The following SLC25A21 variants were observed in gnomAD, a reference collection of about 807,000 sequenced individuals.
The protein encoded by SLC25A21 is mitochondrial 2-oxodicarboxylate carrier.
SLC25A21 carries 47 observed loss-of-function variants against 43.8 expected under a neutral mutation model. That is an observed-to-expected ratio of 1.07 (90% confidence interval 0.85 to 1.37). The LOEUF is 1.37. Ranked by LOEUF, SLC25A21 falls within the 40% of genes most tolerant of loss-of-function variation. The pLI, the probability that SLC25A21 is intolerant of heterozygous loss-of-function variation, is 0.00. For missense variants in SLC25A21, 352 were observed against 350.2 expected (o/e 1.00, Z -0.04); for synonymous variants, 131 against 121.3 (o/e 1.08, Z -0.52).
intron 3 of SLC25A21, among the ~76,000 whole-genome samples, chr14:36,747,154 T>A (rs1885532880): frequency 6.6e-6 from 1 of 152,198 alleles, no homozygotes; most frequent in South Asian, 2.1e-4. Flanking sequence ...GTCACATGAT[T>A]ACCATATTTA....
At chr14:37,155,550 T>C (rs922785411) in intron 1 of SLC25A21, among the ~76,000 whole-genome samples, 3 of 152,124 alleles carry the variant, frequency 2.0e-5, no homozygotes, top group Non-Finnish European at 4.4e-5. Flanking sequence ...GAAAATCATC[T>C]AGTCACCTAT....
chr14:36,883,155 C>T (rs1890792305), intron 1 of SLC25A21, among the ~76,000 whole-genome samples: 1 of 152,096 alleles, frequency 6.6e-6, no homozygotes, highest in Non-Finnish European at 1.5e-5. Context: ...AACAATGGCT[C>T]CCCATTATAT....
intron 1 of SLC25A21, among the ~76,000 whole-genome samples, chr14:37,001,781 T>C (rs1960495530): frequency 6.6e-6 from 1 of 152,158 alleles, no homozygotes; most frequent in East Asian, 1.9e-4. Context: ...TATCTATTTG[T>C]TTTCTATTTT....
chr14:36,788,933 C>G (rs1294806299), intron 3 of SLC25A21: 1 of 152,062 alleles, frequency 6.6e-6, no homozygotes, highest in Non-Finnish European at 1.5e-5. Context: ...TTACAAATTC[C>G]TGGTGAAAAC....
chr14:36,922,430 C>T (rs1892006798), intron 1 of SLC25A21, among the ~76,000 whole-genome samples: 1 of 151,886 alleles, frequency 6.6e-6, no homozygotes, highest in African/African-American at 2.4e-5. Flanking sequence ...TGAATTGAGA[C>T]AAAGATTAGA....
At chr14:36,869,648 G>T (rs1257639813) in intron 2 of SLC25A21, among the ~76,000 whole-genome samples, 1 of 152,150 alleles carries the variant, frequency 6.6e-6, no homozygotes, top group South Asian at 2.1e-4. Flanking sequence ...ACTCTTTGGA[G>T]ACTATAAGAA....
At chr14:37,171,685 T>C (rs997154617) in intron 1 of SLC25A21, among the ~76,000 whole-genome samples, 3 of 152,202 alleles carry the variant, frequency 2.0e-5, no homozygotes, top group Non-Finnish European at 4.4e-5. Context: ...TAAAGGTTTA[T>C]TTTTTCCCCA....
intron 1 of SLC25A21, among the ~76,000 whole-genome samples, chr14:36,931,421 G>C (rs1892286920): frequency 6.6e-6 from 1 of 152,112 alleles, no homozygotes; most frequent in Non-Finnish European, 1.5e-5. Flanking sequence ...AAGGTGTCGA[G>C]GTGAGAGAGA....
At chr14:37,096,316 T>C (rs1256565801) in intron 1 of SLC25A21, among the ~76,000 whole-genome samples, 1 of 152,178 alleles carries the variant, frequency 6.6e-6, no homozygotes, top group Non-Finnish European at 1.5e-5. Flanking sequence ...ATCTTTGAGA[T>C]TTTGATTATT....
At chr14:36,716,924 T>C (rs1452260995) in intron 6 of SLC25A21, among the ~76,000 whole-genome samples, 2 of 152,120 alleles carry the variant, frequency 1.3e-5, no homozygotes, top group African/African-American at 2.4e-5. Flanking sequence ...TGCATTCCTA[T>C]GGAAAGGTGA....
chr14:36,728,079 C>T (rs1251796107), intron 5 of SLC25A21, among the ~76,000 whole-genome samples: 6 of 152,180 alleles, frequency 3.9e-5, no homozygotes, highest in African/African-American at 7.2e-5. Flanking sequence ...GATCATGTTA[C>T]GTAGGTTGTT....
intron 1 of SLC25A21, among the ~76,000 whole-genome samples, chr14:37,061,051 C>A (rs1347353458): frequency 6.6e-6 from 1 of 152,140 alleles, no homozygotes; most frequent in African/African-American, 2.4e-5. Context: ...AGAAAAAGCC[C>A]TCTCCCTGCA....
chr14:36,759,747 A>T (rs1886070275), intron 3 of SLC25A21: 1 of 152,246 alleles, frequency 6.6e-6, no homozygotes, highest in African/African-American at 2.4e-5. Flanking sequence ...GGGAGGCCAG[A>T]TCACGAGGTC....
At chr14:37,009,528 A>C (rs1428282748) in intron 1 of SLC25A21, among the ~76,000 whole-genome samples, 1 of 152,152 alleles carries the variant, frequency 6.6e-6, no homozygotes, top group East Asian at 1.9e-4. Flanking sequence ...TGTAAGAAAA[A>C]TCTGAGTTCA....
intron 3 of SLC25A21, among the ~76,000 whole-genome samples, chr14:36,753,960 A>AGAGAGG: frequency 7.1e-6 from 1 of 141,558 alleles, no homozygotes; most frequent in Non-Finnish European, 1.6e-5. Context: ...AGAGAGAGAG[A>AGAGAGG]AAGAGAGAGA....
At chr14:37,152,559 T>C (rs1963777006) in intron 1 of SLC25A21, among the ~76,000 whole-genome samples, 1 of 152,034 alleles carries the variant, frequency 6.6e-6, no homozygotes, top group African/African-American at 2.4e-5. Context: ...TCATTTTATT[T>C]CTGCTATATA....
At chr14:37,034,188 T>C (rs1454150266) in intron 1 of SLC25A21, among the ~76,000 whole-genome samples, 1 of 152,074 alleles carries the variant, frequency 6.6e-6, no homozygotes, top group African/African-American at 2.4e-5. Context: ...AGCTAATTTT[T>C]TGTATTTTTA....
intron 1 of SLC25A21, among the ~76,000 whole-genome samples, chr14:36,934,169 A>C (rs1009542725): frequency 1.3e-5 from 2 of 152,202 alleles, no homozygotes; most frequent in African/African-American, 2.4e-5. Context: ...TATTTGGATA[A>C]TAAGTAGAAA....
Position 36,679,643 on chromosome 14 carries a change from A to C in SLC25A21, c.*1015T>G. Reference sequence around the variant, plus strand: ...ATTTCCCCTTCATCATACATATTTTAATACTGCAGACAGCTGACTTCCCAC... The same window carrying C: ...ATTTCCCCTTCATCATACATATTTTCATACTGCAGACAGCTGACTTCCCAC... On this transcript the variant is annotated 3_prime_UTR_variant, in exon 10 of 10. Coordinates refer to ENST00000331299, the MANE Select transcript of SLC25A21 (RefSeq NM_030631.4). 4 of 985,410 alleles carry C rather than the reference A, an allele frequency of 4.1e-6. No homozygotes were observed. Among genetic ancestry groups the C allele is most frequent in the Non-Finnish European group, 4.8e-6 (4 of 829,904 alleles). The allele number at this position is 985,410 out of a possible 1,614,324, so 61.0% of individuals were successfully genotyped here.
Sources: gnomAD v4.1 joint callset for allele counts (sites outside exome capture counted in the v4.1 genomes callset) on GRCh38, gnomAD v4.1.1 for gene constraint, MANE v1.5 for transcripts, NCBI Gene and HGNC (gene_info 2026-07-23, HGNC 2026-07-21) for gene names.